THSD7B: variants seen among roughly 807,000 people sequenced by gnomAD.
THSD7B encodes the protein thrombospondin type-1 domain-containing protein 7B.
In THSD7B, 138 loss-of-function variants were observed where a neutral mutation model predicts 213.6. The observed-to-expected ratio is 0.65, with a 90% CI of 0.56 to 0.74. The LOEUF (loss-of-function observed/expected upper bound fraction) is 0.74. Ranked by LOEUF, THSD7B falls within the 30% of genes least tolerant of loss-of-function variation. THSD7B has a pLI of 0.00. For synonymous variants in THSD7B, 742 were observed against 687.0 expected (o/e 1.08, Z -1.25); for missense variants, 1,931 against 1,991.5 (o/e 0.97, Z 0.58).
intron 2 of THSD7B, among the ~76,000 whole-genome samples, chr2:136,968,904 T>C (rs79168496): frequency 2.0e-5 from 3 of 152,170 alleles, no homozygotes; most frequent in African/African-American, 4.8e-5. Context: ...ATAAAAATTA[T>C]GCAGCATGTT....
chr2:136,879,932 T>C (rs1328582057), intron 1 of THSD7B, among the ~76,000 whole-genome samples: 3 of 152,206 alleles, frequency 2.0e-5, no homozygotes, highest in African/African-American at 7.2e-5. Context: ...TAAATTTATA[T>C]GCACCCAATA....
intron 17 of THSD7B, among the ~76,000 whole-genome samples, chr2:137,576,921 G>C (rs575961356): frequency 2.0e-5 from 3 of 151,662 alleles, no homozygotes; most frequent in Non-Finnish European, 4.4e-5. Flanking sequence ...TTATGTTTCA[G>C]GGAAGCAATT....
At position 137,052,107 on chromosome 2, in the gene THSD7B, C is replaced by T. The variant is rs77342145; in HGVS notation, c.140-4313C>T. Among the ~76,000 whole-genome samples the T allele has an allele frequency of 1.8e-3, 267 of 152,256 alleles. 1 individual carries two copies. The highest frequency in any genetic ancestry group is 6.0e-3 in the African/African-American group (248 of 41,550). ...GAGCCTTAAATTTGAAAGTGACCTG[C>T]GAGTTCATCAGTGCTACCCTTCCAA... On this transcript the variant is annotated intron_variant, in intron 2 of 27. Transcript: ENST00000409968.
intron 13 of THSD7B, among the ~76,000 whole-genome samples, chr2:137,410,573 A>C (rs1200777630): frequency 6.6e-6 from 1 of 152,094 alleles, no homozygotes; most frequent in African/African-American, 2.4e-5. Flanking sequence ...CCAGCTTAGA[A>C]ATTCTTATTT....
intron 3 of THSD7B, among the ~76,000 whole-genome samples, chr2:137,060,574 A>G (rs1307736266): frequency 1.3e-5 from 2 of 151,900 alleles, no homozygotes; most frequent in Admixed American, 6.6e-5. Flanking sequence ...TTTAAAAAAG[A>G]TTATTATATG....
At chr2:136,949,836 A>G (rs1685004182) in intron 2 of THSD7B, among the ~76,000 whole-genome samples, 1 of 152,220 alleles carries the variant, frequency 6.6e-6, no homozygotes, top group Non-Finnish European at 1.5e-5. Flanking sequence ...CCACTACTGG[A>G]TATATACCTA....
intron 2 of THSD7B, among the ~76,000 whole-genome samples, chr2:136,978,016 C>T (rs188906055): frequency 6.6e-6 from 1 of 152,174 alleles, no homozygotes; most frequent in Non-Finnish European, 1.5e-5. Flanking sequence ...CCAGGCTGGT[C>T]TTGAACTCCT....
chr2:137,038,544 T>C (rs1417391309), intron 2 of THSD7B, among the ~76,000 whole-genome samples: 4 of 152,226 alleles, frequency 2.6e-5, no homozygotes, highest in Non-Finnish European at 4.4e-5. Flanking sequence ...CTGGGTTATG[T>C]TTAATTTGTA....
intron 14 of THSD7B, among the ~76,000 whole-genome samples, chr2:137,418,174 T>C (rs1411292118): frequency 2.6e-5 from 4 of 152,204 alleles, no homozygotes; most frequent in African/African-American, 9.6e-5. Flanking sequence ...TCTATCCACT[T>C]TTCTCCAGCC....
chr2:137,035,471 A>G (rs1304071251), intron 2 of THSD7B, among the ~76,000 whole-genome samples: 1 of 152,022 alleles, frequency 6.6e-6, no homozygotes, highest in South Asian at 2.1e-4. Flanking sequence ...ATGTCATAAC[A>G]TTTTTTTATT....
At chr2:137,040,009 G>A (rs1686851234) in intron 2 of THSD7B, among the ~76,000 whole-genome samples, 1 of 152,186 alleles carries the variant, frequency 6.6e-6, no homozygotes, top group Admixed American at 6.5e-5. Flanking sequence ...CCCACTGCCT[G>A]CTCAGGCCAG....
At chr2:137,673,115 C>T (rs1683614949) in intron 27 of THSD7B, among the ~76,000 whole-genome samples, 1 of 152,190 alleles carries the variant, frequency 6.6e-6, no homozygotes, top group Admixed American at 6.5e-5. Flanking sequence ...TTGCTGCTTT[C>T]ATCAAACTAG....
intron 2 of THSD7B, among the ~76,000 whole-genome samples, chr2:136,996,547 T>C (rs1369117003): frequency 6.6e-6 from 1 of 152,080 alleles, no homozygotes; most frequent in Admixed American, 6.6e-5. Context: ...GTCTTTCTTA[T>C]GTTGTCCAGG....
intron 2 of THSD7B, among the ~76,000 whole-genome samples, chr2:137,038,678 A>T (rs10207458): frequency 6.6e-6 from 1 of 152,218 alleles, no homozygotes; most frequent in South Asian, 2.1e-4. Flanking sequence ...GAATCCTACT[A>T]CTTCTAGAGA....
At chr2:137,310,936 T>C (rs1285871793) in intron 12 of THSD7B, among the ~76,000 whole-genome samples, 1 of 151,890 alleles carries the variant, frequency 6.6e-6, no homozygotes, top group South Asian at 2.1e-4. Context: ...AGTCAGGTAG[T>C]GTGATGCCTC....
intron 1 of THSD7B, among the ~76,000 whole-genome samples, chr2:136,849,929 A>G (rs1003342715): frequency 6.6e-6 from 1 of 152,040 alleles, no homozygotes; most frequent in African/African-American, 2.4e-5. Context: ...TTACTTTTAC[A>G]TTGGAAGTCA....
Position 137,662,065 on chromosome 2 carries a change from T to TA in THSD7B, c.4459-1318_4459-1317insA, listed in dbSNP as rs1331450499. On this transcript the variant is annotated intron_variant, in intron 25 of 27. Transcript: ENST00000409968. ...AGCTTCAGGTGTTTTCTTTTTTCTT[T>TA]TTTTTTTTTTTTTTGAGATGGAGTC... Among the ~76,000 whole-genome samples, 254 of 138,692 alleles carry TA rather than the reference T, an allele frequency of 1.8e-3. 1 individual carries two copies. Among genetic ancestry groups the TA allele is most frequent in the African/African-American group, 7.4e-3 (244 of 33,188 alleles). The allele number at this position is 138,692 out of a possible 152,430, so 91.0% of individuals were successfully genotyped here. A position where few individuals can be genotyped will look rare whatever the true frequency, so the allele number is the denominator to read the frequency against.
chr2:137,098,503 GGCTCTGGAAT>G (rs1439958322), intron 4 of THSD7B, among the ~76,000 whole-genome samples: 5 of 152,100 alleles, frequency 3.3e-5, no homozygotes, highest in East Asian at 1.9e-4. Context: ...TAAAGCTAGA[GGCTCTGGAAT>G]GCTGTGATGA....
Position 137,256,644 on chromosome 2 carries a change from G to C in THSD7B, c.2266+14072G>C, listed in dbSNP as rs1239550298. Among the ~76,000 whole-genome samples, 4 of 152,036 alleles carry C rather than the reference G, an allele frequency of 2.6e-5. No individual in the cohort carries two copies. The East Asian group carries it at 7.7e-4, about 29-fold the overall frequency. ...AAGTTTGTATCTTATCTGGAATTCT[G>C]GTGGAATTTAAATTTTAACCATGAG... On this transcript the variant is annotated intron_variant, in intron 10 of 27. Transcript: ENST00000409968.
Sources: allele counts gnomAD v4.1 joint callset (sites outside exome capture counted in the v4.1 genomes callset), GRCh38; gene constraint gnomAD v4.1.1; transcripts MANE v1.5; gene names NCBI Gene and HGNC (gene_info 2026-07-23, HGNC 2026-07-21).